SYT2: variants seen among roughly 807,000 people sequenced by gnomAD.
The protein encoded by SYT2 is synaptotagmin 2.
In SYT2, 15 loss-of-function variants were observed where a neutral mutation model predicts 39.9. The observed-to-expected ratio is 0.38, with a 90% confidence interval of 0.25 to 0.58. The LOEUF (loss-of-function observed/expected upper bound fraction) is 0.58, where lower values mean the gene tolerates loss of function less well. Among genes scored for constraint, SYT2 ranks in the 20% least tolerant of loss-of-function variants. The pLI, the probability that SYT2 is intolerant of heterozygous loss-of-function variation, is 0.70. For synonymous variants in SYT2, 181 were observed against 204.5 expected (o/e 0.89, Z 0.98); for missense variants, 389 against 530.3 (o/e 0.73, Z 2.62).
chr1:202,670,552 A>C (rs923534490), intron 1 of SYT2, among the ~76,000 whole-genome samples: 2 of 152,176 alleles, frequency 1.3e-5, no homozygotes, highest in East Asian at 1.9e-4. Context: ...GAAGAGGAGC[A>C]CAACTCCACT....
At chr1:202,692,336 A>G (rs1292559612) in intron 1 of SYT2, among the ~76,000 whole-genome samples, 5 of 152,150 alleles carry the variant, frequency 3.3e-5, no homozygotes, top group Non-Finnish European at 1.5e-5. Context: ...GCCCACCAAG[A>G]AAGGCTGCAT....
At chr1:202,695,495 C>A (rs1035734946) in intron 1 of SYT2, among the ~76,000 whole-genome samples, 1 of 152,200 alleles carries the variant, frequency 6.6e-6, no homozygotes, top group Non-Finnish European at 1.5e-5. Flanking sequence ...AACTAATACA[C>A]TTCTCAGAGC....
rs548652399 is a variant in SYT2, at chr1:202,661,386, G to A, written c.-18+48872C>T. 4.4e-4 allele frequency among the ~76,000 whole-genome samples: 67 copies of A among 152,068 alleles called. 1 individual carries two copies. Among genetic ancestry groups the A allele is most frequent in the African/African-American group, 1.5e-3 (62 of 41,476 alleles). ...CAGCCTAGAAGAGATGGATGGCTTC[G>A]CCTTCCTCCCCAGCTCACTCATCAC... On this transcript the variant is annotated intron_variant, in intron 1 of 8. Coordinates refer to ENST00000367268, the MANE Select transcript of SYT2 (RefSeq NM_177402.5).
intron 1 of SYT2, among the ~76,000 whole-genome samples, chr1:202,627,041 C>T (rs1691437556): frequency 6.6e-6 from 1 of 152,182 alleles, no homozygotes; most frequent in African/African-American, 2.4e-5. Flanking sequence ...GTGTTACCCA[C>T]AACGAGGGGT....
chr1:202,642,176 A>G (rs1331289835), intron 1 of SYT2, among the ~76,000 whole-genome samples: 1 of 151,872 alleles, frequency 6.6e-6, no homozygotes, highest in Non-Finnish European at 1.5e-5. Flanking sequence ...GCCCAAGGTC[A>G]TAGGACAGGT....
intron 1 of SYT2, among the ~76,000 whole-genome samples, chr1:202,622,892 C>A (rs569893429): frequency 1.3e-5 from 2 of 152,330 alleles, no homozygotes; most frequent in Admixed American, 1.3e-4. Context: ...ACAACGCAGT[C>A]CACAGCCTCT....
intron 1 of SYT2, among the ~76,000 whole-genome samples, chr1:202,637,687 T>C (rs1450225742): frequency 1.3e-5 from 2 of 152,262 alleles, no homozygotes; most frequent in Admixed American, 1.3e-4. Context: ...GTATCTCTCC[T>C]GGCTGCAGGG....
At chr1:202,605,901 A>C in intron 1 of SYT2, 112 bp from the exon 2 acceptor site, 1 of 705,194 alleles carries the variant, frequency 1.4e-6, no homozygotes, top group Non-Finnish European at 2.4e-6. Context: ...GATATTTTGC[A>C]TAATATTAAC....
rs180938690 is a variant in SYT2, at chr1:202,595,302, G to A, written c.*1455C>T. 2.0e-3 allele frequency: 304 copies of A among 152,378 alleles called. No individual in the cohort carries two copies. The highest frequency in any genetic ancestry group is 7.0e-3 in the African/African-American group (289 of 41,566). 9.4% of individuals were successfully genotyped at this position (152,378 alleles called of 1,614,324 possible). A position where few individuals can be genotyped will look rare whatever the true frequency, so the allele number is the denominator to read the frequency against. On this transcript the variant is annotated 3_prime_UTR_variant, in exon 9 of 9. Transcript: ENST00000367268. ...CAGGGAATGGGATACAACTGAGCAT[G>A]GGTAGAAACCCTAGAAGGTCACCTC... is the stretch of plus-strand genomic sequence containing the variant.
intron 1 of SYT2, among the ~76,000 whole-genome samples, chr1:202,682,816 C>T (rs1486273908): frequency 6.6e-6 from 1 of 152,126 alleles, no homozygotes; most frequent in African/African-American, 2.4e-5. Flanking sequence ...GCTACAAACC[C>T]AGCCCTTCTG....
chr1:202,656,954 G>A (rs1024210577), intron 1 of SYT2, among the ~76,000 whole-genome samples: 1 of 152,232 alleles, frequency 6.6e-6, no homozygotes, highest in East Asian at 1.9e-4. Flanking sequence ...CAGCTCTCTG[G>A]AAGCAGCCAC....
intron 1 of SYT2, among the ~76,000 whole-genome samples, chr1:202,659,236 C>T (rs1022097397): frequency 3.3e-5 from 5 of 152,162 alleles, no homozygotes; most frequent in Admixed American, 6.5e-5. Flanking sequence ...TACCTCTGTC[C>T]GTGTTCTTCT....
At chr1:202,684,084 G>T (rs1002295811) in intron 1 of SYT2, among the ~76,000 whole-genome samples, 2 of 151,846 alleles carry the variant, frequency 1.3e-5, no homozygotes, top group African/African-American at 4.8e-5. Flanking sequence ...ATATATTTAG[G>T]TGTACAATGT....
chr1:202,699,210 T>C (rs1260523557), intron 1 of SYT2, among the ~76,000 whole-genome samples: 1 of 151,784 alleles, frequency 6.6e-6, no homozygotes, highest in Non-Finnish European at 1.5e-5. Context: ...TTTGTAGAGA[T>C]GGGGTCTCGC....
At chr1:202,622,989 C>T (rs1231102604) in intron 1 of SYT2, among the ~76,000 whole-genome samples, 6 of 152,214 alleles carry the variant, frequency 3.9e-5, no homozygotes, top group Non-Finnish European at 8.8e-5. Context: ...GCAGCCCTGC[C>T]TGAGTTGTCA....
intron 1 of SYT2, chr1:202,631,942 T>G (rs1691605491): frequency 2.6e-6 from 2 of 763,356 alleles, no homozygotes; most frequent in Non-Finnish European, 3.2e-6. Flanking sequence ...TGCTGCTGAT[T>G]GGCCTCATTC....
At chr1:202,693,033 T>G (rs1653876828) in intron 1 of SYT2, among the ~76,000 whole-genome samples, 1 of 152,180 alleles carries the variant, frequency 6.6e-6, no homozygotes, top group Non-Finnish European at 1.5e-5. Context: ...CAGATGGTGT[T>G]TGGTTACATG....
chr1:202,597,068 C>T (rs1255400722), intron 8 of SYT2, 105 bp from the exon 9 acceptor site: 2 of 955,314 alleles, frequency 2.1e-6, no homozygotes, highest in Non-Finnish European at 1.6e-6. Flanking sequence ...AAGGTAAGGC[C>T]TCCTGGGGCT....
At chr1:202,611,210 G>A (rs1307664726) in intron 1 of SYT2, among the ~76,000 whole-genome samples, 1 of 152,074 alleles carries the variant, frequency 6.6e-6, no homozygotes, top group Non-Finnish European at 1.5e-5. Flanking sequence ...AAATCCTTTG[G>A]TCATCTTAAA....
Sources: allele counts gnomAD v4.1 joint callset (sites outside exome capture counted in the v4.1 genomes callset), GRCh38; gene constraint gnomAD v4.1.1; transcripts MANE v1.5; gene names NCBI Gene and HGNC (gene_info 2026-07-23, HGNC 2026-07-21).